The following SLC13A1 variants were observed in gnomAD, a reference collection of about 807,000 sequenced individuals.
SLC13A1 encodes Na(+)/sulfate cotransporter.
Under a neutral mutation model 70.0 loss-of-function variants are expected in SLC13A1, and 65 were observed. That is an observed-to-expected ratio of 0.93 (90% CI 0.76 to 1.14). The LOEUF (loss-of-function observed/expected upper bound fraction) is 1.14, where lower values mean the gene tolerates loss of function less well. Ranked by LOEUF, SLC13A1 falls within the 50% of genes most tolerant of loss-of-function variation. SLC13A1 has a pLI of 0.00. For missense variants in SLC13A1, 726 were observed against 717.8 expected (o/e 1.01, Z -0.13); for synonymous variants, 275 against 250.5 (o/e 1.10, Z -0.92).
At position 123,115,295 on chromosome 7, in the gene SLC13A1, C is replaced by G. The variant is rs919953547; in HGVS notation, c.*223G>C. The G allele has an allele frequency of 4.4e-5, 15 of 339,296 alleles. No individual in the cohort carries two copies. Among genetic ancestry groups the G allele is most frequent in the African/African-American group, 3.2e-4 (15 of 47,316 alleles). The allele number at this position is 339,296 out of a possible 1,614,324, so 21.0% of individuals were successfully genotyped here. On this transcript the variant is annotated 3_prime_UTR_variant, in exon 15 of 15. Transcript: ENST00000194130. ...ATGGTTCATGAGCAAAATCTCAAAA[C>G]ATGGGCTTCTTGATGAAGGCACATA...
intron 12 of SLC13A1, among the ~76,000 whole-genome samples, chr7:123,119,542 A>T (rs1316787183): frequency 3.3e-5 from 5 of 152,016 alleles, no homozygotes; most frequent in African/African-American, 9.7e-5. Context: ...GATCATATAG[A>T]GGGCTTTAAG....
At chr7:123,151,937 A>G (rs1794571142) in intron 6 of SLC13A1, among the ~76,000 whole-genome samples, 1 of 152,094 alleles carries the variant, frequency 6.6e-6, no homozygotes, top group Non-Finnish European at 1.5e-5. Context: ...GGTTAATGAA[A>G]TAGTGTGTTT....
At chr7:123,155,852 G>T (rs953768121) in intron 6 of SLC13A1, among the ~76,000 whole-genome samples, 3 of 152,034 alleles carry the variant, frequency 2.0e-5, no homozygotes, top group Non-Finnish European at 2.9e-5. Context: ...AGAAGGCCGG[G>T]TTCTCCATTT....
chr7:123,157,442 T>C (rs1183102059), intron 6 of SLC13A1, among the ~76,000 whole-genome samples: 1 of 152,128 alleles, frequency 6.6e-6, no homozygotes, highest in African/African-American at 2.4e-5. Flanking sequence ...ATGAGGCCTC[T>C]TTATAAATAA....
At chr7:123,173,749 T>C (rs576642202) in intron 2 of SLC13A1, among the ~76,000 whole-genome samples, 22 of 152,162 alleles carry the variant, frequency 1.4e-4, no homozygotes, top group South Asian at 6.2e-4. Context: ...TCACGTATTT[T>C]GCACCTAGCA....
At chr7:123,116,097 G>A (rs182842570) in intron 14 of SLC13A1, among the ~76,000 whole-genome samples, 1 of 152,250 alleles carries the variant, frequency 6.6e-6, no homozygotes. Flanking sequence ...AATTCAGGAC[G>A]CCATATGGCA....
rs192896085 is a variant in SLC13A1, at chr7:123,164,047, T to A, written c.660+4327A>T. ...AGACAATGAACAAAATAAATAAAAA[T>A]TAAGCAAATTATATAGTCTGTAAGA... On this transcript the variant is annotated intron_variant, in intron 6 of 14. Coordinates refer to ENST00000194130, the MANE Select transcript of SLC13A1 (RefSeq NM_022444.4). 9.7e-3 allele frequency among the ~76,000 whole-genome samples: 1,471 copies of A among 152,086 alleles called. 14 individuals are homozygous for A. Among genetic ancestry groups the A allele is most frequent in the Non-Finnish European group, 0.015 (1,050 of 67,914 alleles).
At chr7:123,138,107 G>C (rs1196265684) in intron 7 of SLC13A1, among the ~76,000 whole-genome samples, 1 of 151,986 alleles carries the variant, frequency 6.6e-6, no homozygotes, top group Non-Finnish European at 1.5e-5. Context: ...TTCTTCTACT[G>C]TCTATCACCA....
intron 7 of SLC13A1, among the ~76,000 whole-genome samples, chr7:123,143,408 C>A (rs1794230080): frequency 6.6e-6 from 1 of 152,190 alleles, no homozygotes; most frequent in South Asian, 2.1e-4. Context: ...CAAGTTCCAA[C>A]TGCTGGGATG....
chr7:123,197,959 C>T (rs962492600), intron 1 of SLC13A1, among the ~76,000 whole-genome samples: 1 of 152,088 alleles, frequency 6.6e-6, no homozygotes, highest in Non-Finnish European at 1.5e-5. Context: ...AAAAGAGCAG[C>T]ACAGATGATA....
At chr7:123,163,472 G>A (rs1027778014) in intron 6 of SLC13A1, among the ~76,000 whole-genome samples, 7 of 151,954 alleles carry the variant, frequency 4.6e-5, no homozygotes, top group East Asian at 1.9e-4. Context: ...GTGACTCTTC[G>A]ATGTGAATAC....
chr7:123,169,835 C>T (rs932338838), intron 3 of SLC13A1, among the ~76,000 whole-genome samples: 6 of 152,046 alleles, frequency 3.9e-5, no homozygotes, highest in African/African-American at 1.4e-4. Context: ...ATTTATAAAG[C>T]CTCTTTTTAC....
intron 12 of SLC13A1, among the ~76,000 whole-genome samples, chr7:123,120,438 G>A (rs4584093): frequency 0.97 from 147,501 of 152,144 alleles, 71,654 homozygotes; most frequent in East Asian, 1. Flanking sequence ...TAGAAGCCTG[G>A]TCATATTCTG....
At chr7:123,118,879 C>T (rs1344350933) in intron 13 of SLC13A1, among the ~76,000 whole-genome samples, 1 of 152,012 alleles carries the variant, frequency 6.6e-6, no homozygotes, top group Non-Finnish European at 1.5e-5. Flanking sequence ...GATCATGCTG[C>T]TTGAACATGA....
intron 7 of SLC13A1, among the ~76,000 whole-genome samples, chr7:123,143,074 G>C (rs946601323): frequency 6.6e-6 from 1 of 152,150 alleles, no homozygotes; most frequent in African/African-American, 2.4e-5. Flanking sequence ...CTGTGGCTGA[G>C]CTGGTATCCA....
intron 2 of SLC13A1, among the ~76,000 whole-genome samples, chr7:123,176,464 G>A (rs1795449284): frequency 6.6e-6 from 1 of 152,094 alleles, no homozygotes; most frequent in South Asian, 2.1e-4. Flanking sequence ...TCTCAAAATA[G>A]GATTTCATCA....
At chr7:123,152,936 T>C (rs767177617) in intron 6 of SLC13A1, among the ~76,000 whole-genome samples, 80 of 152,230 alleles carry the variant, frequency 5.3e-4, no homozygotes, top group Non-Finnish European at 2.5e-4. Flanking sequence ...TAGTTTACTA[T>C]AGGAAAGACT....
intron 10 of SLC13A1, among the ~76,000 whole-genome samples, chr7:123,126,831 C>T (rs1006147082): frequency 6.6e-6 from 1 of 151,740 alleles, no homozygotes; most frequent in African/African-American, 2.4e-5. Context: ...CAAATTGGGC[C>T]AGGCATCATG....
At chr7:123,118,136 T>G (rs12706486) in intron 13 of SLC13A1, among the ~76,000 whole-genome samples, 34,162 of 151,946 alleles carry the variant, frequency 0.22, 4,720 homozygotes, top group East Asian at 0.35. Flanking sequence ...AGGTAGGTTT[T>G]CAAGTCCCTG....
Sources: gnomAD v4.1 joint callset for allele counts (sites outside exome capture counted in the v4.1 genomes callset) on GRCh38, gnomAD v4.1.1 for gene constraint, MANE v1.5 for transcripts, NCBI Gene and HGNC (gene_info 2026-07-23, HGNC 2026-07-21) for gene names.